Variants in TENM3 observed in about 807,000 individuals in gnomAD.
The protein encoded by TENM3 is teneurin transmembrane protein 3.
A neutral mutation model predicts 255.1 loss-of-function variants in TENM3; 63 were observed. That is an observed-to-expected ratio of 0.25 (90% CI 0.20 to 0.30). The LOEUF (loss-of-function observed/expected upper bound fraction) is 0.30. Ranked by LOEUF, TENM3 falls within the 10% of genes least tolerant of loss-of-function variation. The probability of loss-of-function intolerance (pLI) is 1.00; values close to 1 mark genes in which losing one functional copy is unlikely to be tolerated. For missense variants in TENM3, 2,929 were observed against 3,461.1 expected (o/e 0.85, Z 3.86); for synonymous variants, 1,306 against 1,322.3 (o/e 0.99, Z 0.27).
At chr4:182,219,749 G>A (rs114262178) in intron 1 of TENM3, among the ~76,000 whole-genome samples, 206 of 152,264 alleles carry the variant, frequency 1.4e-3, no homozygotes, top group Non-Finnish European at 2.4e-3. Flanking sequence ...CCAACTGATG[G>A]TTTAAAATAA....
chr4:181,885,163 C>T, the TENM3 span, among the ~76,000 whole-genome samples: 1 of 152,206 alleles, frequency 6.6e-6, no homozygotes, highest in East Asian at 1.9e-4. Flanking sequence ...CAGCTACTTA[C>T]TTCCTGAGAA....
At position 182,305,615 on chromosome 4, in the gene TENM3, G is replaced by A. The variant is rs149421196; in HGVS notation, c.-75-18331G>A. Among the ~76,000 whole-genome samples the A allele has an allele frequency of 6.6e-5, 10 of 152,316 alleles. No homozygotes were observed. The East Asian group carries it at 1.7e-3, about 26-fold the overall frequency. On this transcript the variant is annotated intron_variant, in intron 1 of 27. Transcript: ENST00000511685. ...CTCTTTCACTACAGTTCTTAAACTAGGTCCTTCCGATGTGTGTCCCAGTTC... is the reference window on the plus strand; with the variant it reads ...CTCTTTCACTACAGTTCTTAAACTAAGTCCTTCCGATGTGTGTCCCAGTTC...
At chr4:181,472,815 G>A in the TENM3 span, among the ~76,000 whole-genome samples, 1 of 151,946 alleles carries the variant, frequency 6.6e-6, no homozygotes, top group Admixed American at 6.6e-5. Flanking sequence ...TCCTAATTAT[G>A]TCCATCCTAG....
chr4:181,568,627 C>A, the TENM3 span, among the ~76,000 whole-genome samples: 4 of 152,160 alleles, frequency 2.6e-5, no homozygotes, highest in Non-Finnish European at 5.9e-5. Context: ...ACCTTTATTC[C>A]CCCTGGAACT....
Position 182,346,943 on chromosome 4 carries a change from T to A in TENM3, c.511+14T>A, listed in dbSNP as rs1418922027. 1 of 1,551,188 alleles carries A rather than the reference T, an allele frequency of 6.4e-7. No homozygotes were observed. The highest frequency in any genetic ancestry group is 1.4e-5 in the African/African-American group (1 of 73,892). ...ACAGTGAGAATGGTAAGTTTCCTTT[T>A]TGGCTTTATAATGTTGGCATTCAGT... On this transcript the variant is annotated intron_variant, in intron 3 of 27. Coordinates refer to ENST00000511685, the MANE Select transcript of TENM3 (RefSeq NM_001080477.4).
chr4:182,105,030 G>A, the TENM3 span, among the ~76,000 whole-genome samples: 1 of 152,070 alleles, frequency 6.6e-6, no homozygotes, highest in African/African-American at 2.4e-5. Flanking sequence ...TGGCCAAGGT[G>A]GGGAAAGCTC....
At chr4:182,679,497 C>A (rs1376726732) in intron 7 of TENM3, among the ~76,000 whole-genome samples, 169 bp from the exon 8 acceptor site, 1 of 152,182 alleles carries the variant, frequency 6.6e-6, no homozygotes, top group Non-Finnish European at 1.5e-5. Flanking sequence ...AGTTTGCGTC[C>A]TCCTTGTAAA....
the TENM3 span, among the ~76,000 whole-genome samples, chr4:182,030,235 C>G: frequency 8.2e-3 from 1,249 of 152,078 alleles, 19 homozygotes; most frequent in African/African-American, 0.028. Context: ...TCTCTCCCCC[C>G]ACCCCACCCC....
intron 12 of TENM3, among the ~76,000 whole-genome samples, chr4:182,689,507 G>A (rs539359547): frequency 1.3e-5 from 2 of 152,110 alleles, no homozygotes; most frequent in Non-Finnish European, 2.9e-5. Context: ...ACGCCCCCAC[G>A]CTGGTGATCT....
chr4:181,971,982 T>C, the TENM3 span, among the ~76,000 whole-genome samples: 1 of 151,976 alleles, frequency 6.6e-6, no homozygotes, highest in East Asian at 1.9e-4. Flanking sequence ...GTATATGACT[T>C]ATGGTTCCAT....
intron 7 of TENM3, among the ~76,000 whole-genome samples, chr4:182,676,877 A>G (rs1579083817): frequency 6.6e-6 from 1 of 152,136 alleles, no homozygotes; most frequent in African/African-American, 2.4e-5. Context: ...CTCACTTTAT[A>G]TGAAACCTGT....
chr4:181,734,534 T>C, the TENM3 span, among the ~76,000 whole-genome samples: 1 of 152,114 alleles, frequency 6.6e-6, no homozygotes, highest in African/African-American at 2.4e-5. Context: ...CACACATATA[T>C]GTATATATGA....
chr4:181,796,820 G>T, the TENM3 span, among the ~76,000 whole-genome samples: 1 of 152,172 alleles, frequency 6.6e-6, no homozygotes, highest in South Asian at 2.1e-4. Context: ...TCCTTCCAAA[G>T]GGTGGTGTTG....
the TENM3 span, among the ~76,000 whole-genome samples, chr4:181,925,711 T>C: frequency 6.6e-6 from 1 of 152,234 alleles, no homozygotes; most frequent in Non-Finnish European, 1.5e-5. Context: ...TTGGTAGAAC[T>C]CTGGTCAACA....
At chr4:181,602,955 G>T in the TENM3 span, among the ~76,000 whole-genome samples, 1 of 152,186 alleles carries the variant, frequency 6.6e-6, no homozygotes, top group Non-Finnish European at 1.5e-5. Flanking sequence ...ACCAATCAGT[G>T]GTTGCTCATT....
chr4:182,075,502 G>A, the TENM3 span, among the ~76,000 whole-genome samples: 26 of 152,176 alleles, frequency 1.7e-4, no homozygotes, highest in African/African-American at 6.0e-4. Flanking sequence ...TCAGCCGACA[G>A]TTGGTTTTTA....
At chr4:181,747,825 G>A in the TENM3 span, among the ~76,000 whole-genome samples, 1 of 151,826 alleles carries the variant, frequency 6.6e-6, no homozygotes, top group Non-Finnish European at 1.5e-5. Context: ...TTTATTTTGA[G>A]GTAGAGAATT....
chr4:182,439,101 C>T (rs548654955), intron 3 of TENM3, among the ~76,000 whole-genome samples: 37 of 152,304 alleles, frequency 2.4e-4, no homozygotes, highest in Non-Finnish European at 4.7e-4. Context: ...CCTTATTTTG[C>T]CTTTCAATGA....
intron 3 of TENM3, among the ~76,000 whole-genome samples, chr4:182,409,507 G>A (rs1299887914): frequency 6.6e-6 from 1 of 152,196 alleles, no homozygotes; most frequent in African/African-American, 2.4e-5. Flanking sequence ...GATTGGGCTA[G>A]ATATTCCACA....
Sources: allele counts gnomAD v4.1 joint callset (sites outside exome capture counted in the v4.1 genomes callset), GRCh38; gene constraint gnomAD v4.1.1; transcripts MANE v1.5; gene names NCBI Gene and HGNC (gene_info 2026-07-23, HGNC 2026-07-21).